The following CSTPP1 variants were observed in gnomAD, a reference collection of about 807,000 sequenced individuals.
The protein encoded by CSTPP1 is UPF0705 protein C11orf49.
the CSTPP1 span, among the ~76,000 whole-genome samples, chr11:47,027,983 G>A: frequency 1.3e-5 from 2 of 149,854 alleles, no homozygotes; most frequent in Non-Finnish European, 3.0e-5. Flanking sequence ...GAGTGCAGTG[G>A]CACGATCTCG....
chr11:47,041,690 C>A, the CSTPP1 span: 2 of 489,030 alleles, frequency 4.1e-6, no homozygotes, highest in South Asian at 3.6e-5. Context: ...TGGCTGGGGT[C>A]AATTTCCACA....
the CSTPP1 span, among the ~76,000 whole-genome samples, chr11:47,156,836 T>C: frequency 5.3e-5 from 8 of 152,338 alleles, no homozygotes; most frequent in African/African-American, 1.4e-4. Context: ...AAACACAGAT[T>C]AGTGTCATCT....
the CSTPP1 span, among the ~76,000 whole-genome samples, chr11:47,103,204 C>G: frequency 1.3e-5 from 2 of 151,838 alleles, no homozygotes; most frequent in Non-Finnish European, 2.9e-5. Flanking sequence ...TCAAGACCAG[C>G]CTGGGCAACA....
chr11:46,961,957 AG>A, the CSTPP1 span, among the ~76,000 whole-genome samples: 3 of 152,220 alleles, frequency 2.0e-5, no homozygotes, highest in Non-Finnish European at 4.4e-5. Context: ...GGCCTCAGGA[AG>A]TTTACAATCA....
the CSTPP1 span, among the ~76,000 whole-genome samples, chr11:47,007,964 AT>A: frequency 3.4e-5 from 5 of 148,372 alleles, no homozygotes; most frequent in South Asian, 2.1e-4. Context: ...CCTGAACTCT[AT>A]TTTTTTTTTC....
At chr11:47,150,133 C>T in the CSTPP1 span, among the ~76,000 whole-genome samples, 5 of 152,102 alleles carry the variant, frequency 3.3e-5, no homozygotes, top group Admixed American at 2.0e-4. Context: ...TGACCCTCTT[C>T]TCCAGGACTC....
chr11:47,092,267 A>G, the CSTPP1 span, among the ~76,000 whole-genome samples: 1 of 152,224 alleles, frequency 6.6e-6, no homozygotes, highest in Non-Finnish European at 1.5e-5. Context: ...AGGGAAAATT[A>G]TGGGACGAAT....
the CSTPP1 span, among the ~76,000 whole-genome samples, chr11:46,986,667 C>T: frequency 6.6e-6 from 1 of 152,058 alleles, no homozygotes; most frequent in Non-Finnish European, 1.5e-5. Context: ...CAGGTTTTCA[C>T]CATGTTGCCA....
the CSTPP1 span, among the ~76,000 whole-genome samples, chr11:47,045,544 G>T: frequency 1.3e-5 from 2 of 152,156 alleles, no homozygotes; most frequent in African/African-American, 4.8e-5. Flanking sequence ...CATCTGGTTT[G>T]TGCAACCTTT....
the CSTPP1 span, among the ~76,000 whole-genome samples, chr11:47,120,772 G>A: frequency 5.9e-5 from 9 of 152,136 alleles, no homozygotes; most frequent in South Asian, 2.1e-4. This position sits in a 1 kb window ranked among gnomAD's most constrained non-coding sequence, Gnocchi z 4.2. Flanking sequence ...GGACTGCTGC[G>A]AGACATTCAA....
At chr11:46,961,946 A>G in the CSTPP1 span, among the ~76,000 whole-genome samples, 1 of 152,186 alleles carries the variant, frequency 6.6e-6, no homozygotes, top group Non-Finnish European at 1.5e-5. Context: ...ATGGCTGGGG[A>G]GGCCTCAGGA....
At chr11:47,139,057 A>G in the CSTPP1 span, among the ~76,000 whole-genome samples, 1 of 146,472 alleles carries the variant, frequency 6.8e-6, no homozygotes, top group Non-Finnish European at 1.5e-5. Flanking sequence ...AATCATGTTT[A>G]TCGAAGAATG....
chr11:46,952,863 T>C, the CSTPP1 span, among the ~76,000 whole-genome samples: 102 of 152,356 alleles, frequency 6.7e-4, no homozygotes, highest in Non-Finnish European at 1.4e-3. Context: ...TGCTGGGCGT[T>C]GGAGGTAACT....
the CSTPP1 span, among the ~76,000 whole-genome samples, chr11:47,116,542 T>G: frequency 1.3e-5 from 2 of 152,182 alleles, no homozygotes; most frequent in Non-Finnish European, 2.9e-5. Flanking sequence ...TTAGCTCTTC[T>G]TGTTGAATTG....
chr11:47,052,433 C>G, the CSTPP1 span: 2 of 1,613,952 alleles, frequency 1.2e-6, no homozygotes, highest in African/African-American at 2.7e-5. Flanking sequence ...TTCGAGAATT[C>G]AGCTTCGTCC....
At chr11:47,122,091 A>AATATATATATATATAT in the CSTPP1 span, among the ~76,000 whole-genome samples, 53 of 31,816 alleles carry the variant, frequency 1.7e-3, 2 homozygotes, top group Non-Finnish European at 2.4e-3. Context: ...AAAAAAAAAA[A>AATATATATATATATAT]ATATATATAT....
At chr11:47,151,677 A>G in the CSTPP1 span, among the ~76,000 whole-genome samples, 1 of 151,084 alleles carries the variant, frequency 6.6e-6, no homozygotes, top group African/African-American at 2.4e-5. Context: ...TGTTAACACA[A>G]GCTCGGATCC....
chr11:47,087,774 A>C, the CSTPP1 span, among the ~76,000 whole-genome samples: 1 of 152,246 alleles, frequency 6.6e-6, no homozygotes, highest in African/African-American at 2.4e-5. Context: ...AATCTCCCCC[A>C]AAAAACCTGG....
At chr11:47,027,195 ATG>A in the CSTPP1 span, among the ~76,000 whole-genome samples, 4 of 152,272 alleles carry the variant, frequency 2.6e-5, no homozygotes, top group Middle Eastern at 0.014. Context: ...GGGTAAGCAG[ATG>A]TGAATTAATC....
Sources: gnomAD v4.1 joint callset for allele counts (sites outside exome capture counted in the v4.1 genomes callset) on GRCh38, gnomAD v4.1.1 for gene constraint, Gnocchi (gnomAD v3.1) non-coding constraint, MANE v1.5 for transcripts, NCBI Gene and HGNC (gene_info 2026-07-23, HGNC 2026-07-21) for gene names.